The following ADGRL2 variants were observed in gnomAD, a reference collection of about 807,000 sequenced individuals.
ADGRL2 encodes adhesion G protein-coupled receptor L2.
Under a neutral mutation model 157.4 loss-of-function variants are expected in ADGRL2, and 44 were observed. The ratio of observed to expected loss-of-function variants is 0.28; its 90% CI spans 0.22 to 0.36. The LOEUF (loss-of-function observed/expected upper bound fraction) is 0.36, where lower values mean the gene tolerates loss of function less well. Among genes scored for constraint, ADGRL2 ranks in the 10% least tolerant of loss-of-function variants. The pLI is 1.00. For synonymous variants in ADGRL2, 585 were observed against 624.7 expected (o/e 0.94, Z 0.95); for missense variants, 1,510 against 1,768.9 (o/e 0.85, Z 2.63).
chr1:81,649,688 C>A (rs2148832480), intron 3 of ADGRL2, among the ~76,000 whole-genome samples: 1 of 152,298 alleles, frequency 6.6e-6, no homozygotes, highest in African/African-American at 2.4e-5. Context: ...ACTCCTTTCC[C>A]ACAACCCCTG....
At chr1:81,411,670 A>T (rs2076947146) in intron 1 of ADGRL2, among the ~76,000 whole-genome samples, 1 of 152,120 alleles carries the variant, frequency 6.6e-6, no homozygotes. Flanking sequence ...AGGTGGGCGG[A>T]TCACAAGGTC....
At chr1:81,371,429 A>C (rs994524043) in intron 1 of ADGRL2, among the ~76,000 whole-genome samples, 2 of 152,192 alleles carry the variant, frequency 1.3e-5, no homozygotes, top group African/African-American at 4.8e-5. Flanking sequence ...GTAGAATGAC[A>C]TCTGGGTTTC....
At chr1:81,710,878 G>A (rs1570918382) in intron 1 of ADGRL2, among the ~76,000 whole-genome samples, 1 of 151,644 alleles carries the variant, frequency 6.6e-6, no homozygotes, top group African/African-American at 2.4e-5. Context: ...GTTGCAAGGT[G>A]GAATCTGAAA....
chr1:81,809,414 C>A (rs2089577967), intron 1 of ADGRL2, among the ~76,000 whole-genome samples: 1 of 151,684 alleles, frequency 6.6e-6, no homozygotes, highest in South Asian at 2.1e-4. Context: ...ATTTTTAAAT[C>A]TGATAAAAAA....
At chr1:81,969,456 T>G in intron 15 of ADGRL2, 69 bp downstream of exon 15, 5 of 974,212 alleles carry the variant, frequency 5.1e-6, no homozygotes, top group Non-Finnish European at 8.0e-6. Context: ...AGGTGACATA[T>G]GATACTGATA....
At chr1:81,633,968 C>T (rs2148768802) in intron 3 of ADGRL2, among the ~76,000 whole-genome samples, 1 of 152,094 alleles carries the variant, frequency 6.6e-6, no homozygotes, top group East Asian at 1.9e-4. Flanking sequence ...TTGCGGGTGC[C>T]AGTAGTATTT....
intron 3 of ADGRL2, among the ~76,000 whole-genome samples, chr1:81,607,079 C>G (rs1378788930): frequency 6.6e-6 from 1 of 152,124 alleles, no homozygotes; most frequent in Non-Finnish European, 1.5e-5. Context: ...AATTCTTAAG[C>G]TAAGCTTTTC....
intron 1 of ADGRL2, among the ~76,000 whole-genome samples, chr1:81,380,050 A>C (rs189358413): frequency 1.6e-3 from 247 of 152,122 alleles, no homozygotes; most frequent in African/African-American, 5.5e-3. Flanking sequence ...TCTCTGGTGA[A>C]TTCATCTCTC....
chr1:81,678,688 G>T (rs368113883), intron 3 of ADGRL2, among the ~76,000 whole-genome samples: 1 of 152,164 alleles, frequency 6.6e-6, no homozygotes, highest in Non-Finnish European at 1.5e-5. Context: ...CTCAGAGTTC[G>T]CATTAAGCAT....
intron 1 of ADGRL2, among the ~76,000 whole-genome samples, chr1:81,830,035 A>G (rs549509512): frequency 1.2e-4 from 18 of 152,278 alleles, no homozygotes; most frequent in African/African-American, 1.9e-4. Flanking sequence ...GCTTCTCATC[A>G]CATTTACTAC....
chr1:81,831,746 G>A (rs1460326536), intron 1 of ADGRL2, among the ~76,000 whole-genome samples: 2 of 152,200 alleles, frequency 1.3e-5, no homozygotes, highest in Non-Finnish European at 2.9e-5. Flanking sequence ...ACTAGGACGA[G>A]TTATTTTTAA....
chr1:81,602,235 G>A (rs7523151), intron 3 of ADGRL2, among the ~76,000 whole-genome samples: 91,471 of 151,972 alleles, frequency 0.6, 28,143 homozygotes, highest in African/African-American at 0.71. Flanking sequence ...TGAGGTGGGT[G>A]GATCGCTTGA....
At chr1:81,500,754 C>A (rs1408074095) in intron 2 of ADGRL2, among the ~76,000 whole-genome samples, 1 of 152,162 alleles carries the variant, frequency 6.6e-6, no homozygotes, top group Non-Finnish European at 1.5e-5. Context: ...AATGTACTTA[C>A]TGTAGAATGT....
chr1:81,668,604 C>T (rs2082802437), intron 3 of ADGRL2, among the ~76,000 whole-genome samples: 1 of 152,086 alleles, frequency 6.6e-6, no homozygotes, highest in African/African-American at 2.4e-5. Flanking sequence ...CACTCTGTCA[C>T]CCAGGCTGGA....
At chr1:81,958,551 G>A (rs904782928) in intron 11 of ADGRL2, among the ~76,000 whole-genome samples, 4 of 152,026 alleles carry the variant, frequency 2.6e-5, no homozygotes, top group African/African-American at 7.2e-5. Context: ...TTCATAGCAT[G>A]ATTTACCCTT....
At chr1:81,646,530 T>C (rs2082318036) in intron 3 of ADGRL2, among the ~76,000 whole-genome samples, 1 of 152,146 alleles carries the variant, frequency 6.6e-6, no homozygotes, top group East Asian at 1.9e-4. Flanking sequence ...TGAAAGGCAA[T>C]GTGGTATGGC....
chr1:81,961,945 T>G (rs1655541462), intron 11 of ADGRL2, among the ~76,000 whole-genome samples: 1 of 152,182 alleles, frequency 6.6e-6, no homozygotes, highest in Non-Finnish European at 1.5e-5. Context: ...GGCTTCTGCT[T>G]TTTTCCTGAC....
chr1:81,385,352 T>G (rs966476500), intron 1 of ADGRL2, among the ~76,000 whole-genome samples: 4 of 152,094 alleles, frequency 2.6e-5, no homozygotes, highest in Admixed American at 2.6e-4. Flanking sequence ...TGTAATATAT[T>G]CCAAAGGCTG....
At chr1:81,884,066 G>A (rs1422213782) in intron 2 of ADGRL2, among the ~76,000 whole-genome samples, 1 of 150,864 alleles carries the variant, frequency 6.6e-6, no homozygotes, top group East Asian at 1.9e-4. Context: ...GTTCCCTTCA[G>A]CCTTGATCTC....
Sources: allele counts gnomAD v4.1 joint callset (sites outside exome capture counted in the v4.1 genomes callset), GRCh38; gene constraint gnomAD v4.1.1; transcripts MANE v1.5; gene names NCBI Gene and HGNC (gene_info 2026-07-23, HGNC 2026-07-21).